The following LRCH1 variants were observed in gnomAD, a reference collection of about 807,000 sequenced individuals.
LRCH1 encodes leucine rich repeats and calponin homology domain containing 1, also known as leucine-rich repeat and calponin homology domain-containing protein 1.
A neutral mutation model predicts 94.9 loss-of-function variants in LRCH1; 23 were observed. The ratio of observed to expected loss-of-function variants is 0.24; its 90% CI spans 0.17 to 0.34. The LOEUF is 0.34. Among genes scored for constraint, LRCH1 ranks in the 10% least tolerant of loss-of-function variants. The probability of loss-of-function intolerance (pLI) is 1.00; values close to 1 mark genes in which losing one functional copy is unlikely to be tolerated. For synonymous variants in LRCH1, 364 were observed against 354.9 expected, an observed-to-expected ratio of 1.03 and a Z score of -0.29; for missense variants, 790 against 945.9, an observed-to-expected ratio of 0.84 and a Z score of 2.16.
At chr13:46,689,337 G>A in intron 7 of LRCH1, 141 bp downstream of exon 7, 1 of 596,812 alleles carries the variant, frequency 1.7e-6, no homozygotes. Flanking sequence ...ATATTCATGT[G>A]ATTTGAAATC....
At chr13:46,696,195 T>C (rs576122673) in intron 9 of LRCH1, among the ~76,000 whole-genome samples, 40 of 147,202 alleles carry the variant, frequency 2.7e-4, no homozygotes, top group African/African-American at 8.7e-4. Flanking sequence ...TGCATGTGTG[T>C]ACACACACAC....
chr13:46,648,518 C>T (rs1397134268), intron 1 of LRCH1, among the ~76,000 whole-genome samples: 1 of 152,180 alleles, frequency 6.6e-6, no homozygotes, highest in Non-Finnish European at 1.5e-5. Context: ...TCTCAGGGCT[C>T]TTCTTTGTTG....
chr13:46,734,079 C>G, intron 19 of LRCH1, 81 bp downstream of exon 19: 1 of 658,940 alleles, frequency 1.5e-6, no homozygotes, highest in Non-Finnish European at 2.6e-6. Context: ...TGAATCGATG[C>G]AAAGCTTTGT....
At chr13:46,727,651 T>C (rs1872888165) in intron 17 of LRCH1, among the ~76,000 whole-genome samples, 1 of 152,100 alleles carries the variant, frequency 6.6e-6, no homozygotes, top group South Asian at 2.1e-4. Context: ...GGCGTGTCAA[T>C]AAAAGGTCAA....
At chr13:46,634,588 C>T (rs1249004207) in intron 1 of LRCH1, among the ~76,000 whole-genome samples, 2 of 152,254 alleles carry the variant, frequency 1.3e-5, no homozygotes, top group Non-Finnish European at 2.9e-5. Flanking sequence ...AGAGGCTCAG[C>T]TTACAGCTCA....
chr13:46,619,286 T>G (rs542996974), intron 1 of LRCH1, among the ~76,000 whole-genome samples: 7 of 152,092 alleles, frequency 4.6e-5, no homozygotes, highest in Admixed American at 4.6e-4. Flanking sequence ...AATTTTTGTA[T>G]TTTTAGTCGA....
intron 2 of LRCH1, among the ~76,000 whole-genome samples, chr13:46,662,734 G>T (rs183190575): frequency 3.9e-5 from 6 of 152,188 alleles, no homozygotes; most frequent in Non-Finnish European, 7.3e-5. Context: ...TTAAGCAGTG[G>T]TTTATTTATA....
At chr13:46,719,675 C>T (rs190635432) in intron 16 of LRCH1, among the ~76,000 whole-genome samples, 335 of 152,260 alleles carry the variant, frequency 2.2e-3, no homozygotes, top group African/African-American at 7.8e-3. Flanking sequence ...AAGTAAATTG[C>T]GTATATGTGC....
chr13:46,623,965 C>G (rs759406127), intron 1 of LRCH1, among the ~76,000 whole-genome samples: 3 of 150,844 alleles, frequency 2.0e-5, no homozygotes, highest in Non-Finnish European at 4.4e-5. Flanking sequence ...CTCACTGCAG[C>G]CTCAAACTCC....
chr13:46,650,442 G>C lies in LRCH1; in HGVS notation c.452+97G>C, dbSNP rs1398486197. 7 of 1,088,442 alleles carry C rather than the reference G, an allele frequency of 6.4e-6. No homozygotes were observed. The Admixed American group carries it at 1.2e-4, about 19-fold the overall frequency. 67.4% of individuals were successfully genotyped at this position (1,088,442 alleles called of 1,614,324 possible). On this transcript the variant is annotated intron_variant, in intron 2 of 19. Coordinates refer to ENST00000389797, the MANE Select transcript of LRCH1 (RefSeq NM_001164211.2). ...ATTTTTTCCCCTTTTTGCAATTCTT[G>C]ATTTTTCTTTGATGTAGGTCACACA... is the stretch of plus-strand genomic sequence containing the variant.
chr13:46,554,109 A>G (rs529813122), intron 1 of LRCH1, among the ~76,000 whole-genome samples: 1 of 152,366 alleles, frequency 6.6e-6, no homozygotes, highest in East Asian at 1.9e-4. Flanking sequence ...TGGGAACTCC[A>G]GCGCGGACAG....
chr13:46,655,833 G>T (rs2051363453), intron 2 of LRCH1, among the ~76,000 whole-genome samples: 1 of 152,174 alleles, frequency 6.6e-6, no homozygotes, highest in African/African-American at 2.4e-5. Context: ...TATAGTATTT[G>T]ATCATATTGC....
intron 16 of LRCH1, among the ~76,000 whole-genome samples, chr13:46,722,863 A>G (rs1018175034): frequency 2.0e-5 from 3 of 152,254 alleles, no homozygotes; most frequent in African/African-American, 4.8e-5. Flanking sequence ...ATCTGAATTT[A>G]ATGAAAGGGT....
chr13:46,653,834 G>T lies in LRCH1; in HGVS notation c.452+3489G>T, dbSNP rs1047342672. ...AAGACCCTGTCTCAAAAGAAAGAAA[G>T]AAAGAAAGAAAATAAAATAAAAATA... On this transcript the variant is annotated intron_variant, in intron 2 of 19. Transcript: ENST00000389797. 2.6e-5 allele frequency among the ~76,000 whole-genome samples: 4 copies of T among 152,066 alleles called. No homozygotes were observed. The East Asian group carries it at 7.7e-4, about 29-fold the overall frequency.
intron 1 of LRCH1, among the ~76,000 whole-genome samples, chr13:46,592,668 T>C (rs2050513599): frequency 1.3e-5 from 2 of 152,204 alleles, no homozygotes; most frequent in African/African-American, 4.8e-5. Flanking sequence ...TGTTACCCAC[T>C]TCATATACAT....
Position 46,681,856 on chromosome 13 carries a change from A to G in LRCH1, c.685+10A>G. 1 of 1,548,480 alleles carries G rather than the reference A, an allele frequency of 6.5e-7. No individual in the cohort carries two copies. The highest frequency in any genetic ancestry group is 8.9e-7 in the Non-Finnish European group (1 of 1,121,996). On this transcript the variant is annotated intron_variant, in intron 4 of 19. Transcript: ENST00000389797. ...AAAGTTTTACCACAAGGTAAAAAAG[A>G]AAGAGGGAAAATGAAGAAAATGGGA...
intron 18 of LRCH1, among the ~76,000 whole-genome samples, chr13:46,730,774 A>G (rs1359842752): frequency 6.6e-6 from 1 of 152,228 alleles, no homozygotes; most frequent in Admixed American, 6.5e-5. Flanking sequence ...GTCTCGTGCC[A>G]GATTCTCAGT....
rs2137885215 is a variant in LRCH1, at chr13:46,553,721, G to A, written c.307+18G>A. The stretch of plus-strand genomic sequence containing the variant: ...GCAGGCAGGTGAGTGAGGGCCGAGG[G>A]GCGGGCAGGGGTGTGGGTGCTGTCT... On this transcript the variant is annotated intron_variant, in intron 1 of 19. Coordinates refer to ENST00000389797, the MANE Select transcript of LRCH1 (RefSeq NM_001164211.2). 1.2e-6 allele frequency: 2 copies of A among 1,604,746 alleles called. No homozygotes were observed. The highest frequency in any genetic ancestry group is 1.7e-6 in the Non-Finnish European group (2 of 1,177,130).
chr13:46,660,092 A>G (rs568706862), intron 2 of LRCH1, among the ~76,000 whole-genome samples: 47 of 129,034 alleles, frequency 3.6e-4, no homozygotes, highest in African/African-American at 1.2e-3. Flanking sequence ...GCTCACTGCA[A>G]GCTCCGCCTC....
Sources: allele counts gnomAD v4.1 joint callset (sites outside exome capture counted in the v4.1 genomes callset), GRCh38; gene constraint gnomAD v4.1.1; transcripts MANE v1.5; gene names NCBI Gene and HGNC (gene_info 2026-07-23, HGNC 2026-07-21).